The following OTUD7A variants were observed in gnomAD, a reference collection of about 807,000 sequenced individuals.
The protein encoded by OTUD7A is OTU domain-containing protein 7A.
A neutral mutation model predicts 65.7 loss-of-function variants in OTUD7A; 12 were observed. The ratio of observed to expected loss-of-function variants is 0.18; its 90% CI spans 0.12 to 0.30. The LOEUF (loss-of-function observed/expected upper bound fraction) is 0.30. Among genes scored for constraint, OTUD7A ranks in the 10% least tolerant of loss-of-function variants. The probability of loss-of-function intolerance (pLI) is 1.00; values close to 1 mark genes in which losing one functional copy is unlikely to be tolerated. For missense variants in OTUD7A, 1,148 were observed against 1,304.8 expected (o/e 0.88, Z 1.85); for synonymous variants, 641 against 586.3 (o/e 1.09, Z -1.35).
chr15:31,810,689 G>A (rs1309497341), intron 1 of OTUD7A, among the ~76,000 whole-genome samples: 1 of 152,160 alleles, frequency 6.6e-6, no homozygotes, highest in Admixed American at 6.5e-5. Flanking sequence ...AGCAGACTAA[G>A]GTAGCCACCT....
At chr15:31,695,212 T>C (rs1350475804) in intron 1 of OTUD7A, among the ~76,000 whole-genome samples, 22 of 109,742 alleles carry the variant, frequency 2.0e-4, no homozygotes, top group Non-Finnish European at 4.8e-4. Flanking sequence ...TTGGCTATTG[T>C]GGATAGAGTG....
chr15:31,584,311 T>A (rs971286509), intron 3 of OTUD7A, among the ~76,000 whole-genome samples: 1 of 152,218 alleles, frequency 6.6e-6, no homozygotes, highest in Non-Finnish European at 1.5e-5. Flanking sequence ...CTAGACCTCC[T>A]AAGAACATAG....
intron 1 of OTUD7A, among the ~76,000 whole-genome samples, chr15:31,695,221 T>G (rs1595712698): frequency 7.7e-6 from 1 of 130,434 alleles, no homozygotes; most frequent in African/African-American, 2.6e-5. Context: ...GTGGATAGAG[T>G]GCTGCAGTGA....
At chr15:31,521,144 G>A (rs989755774) in intron 8 of OTUD7A, among the ~76,000 whole-genome samples, 2 of 152,196 alleles carry the variant, frequency 1.3e-5, no homozygotes, top group African/African-American at 4.8e-5. Flanking sequence ...GAGGGTTCGC[G>A]GGGGTGAGGA....
At position 31,483,785 on chromosome 15, in the gene OTUD7A, G is replaced by A. The variant is rs1386961740; in HGVS notation, c.2311C>T (p.Pro771Ser). 3 of 1,045,630 alleles carry A rather than the reference G, an allele frequency of 2.9e-6. No individual in the cohort carries two copies. Among genetic ancestry groups the A allele is most frequent in the South Asian group, 4.4e-5 (1 of 22,638 alleles). The allele number at this position is 1,045,630 out of a possible 1,614,324, so 64.8% of individuals were successfully genotyped here. A position where few individuals can be genotyped will look rare whatever the true frequency, so the allele number is the denominator to read the frequency against. ...ASGPVPGRSPPAPARQSVIHV... is the reference protein window; with the variant it reads ...ASGPVPGRSPSAPARQSVIHV... ...ATGACGCTCTGGCGCGCTGGCGCCG[G>A]GGGGCTGCGGCCAGGCACTGGTCCG... The change falls in exon 13 of 13, where the codon CCG (proline) becomes TCG (serine). Residue 771 changes from proline to serine, a missense_variant. Around this residue, in one of 6 missense-constraint regions of OTUD7A, gnomAD observed 842 missense variants for 769.5 expected, o/e 1.09. Coordinates refer to ENST00000307050, the MANE Select transcript of OTUD7A (RefSeq NM_001382637.1).
At position 31,540,130 on chromosome 15, in the gene OTUD7A, A is replaced by C. The variant is rs532015955; in HGVS notation, c.551-9322T>G. On this transcript the variant is annotated intron_variant, in intron 5 of 12. Transcript: ENST00000307050. Reference sequence around the variant, plus strand: ...AATTTTTAGTTTGGTTATAATTTTCAATTTTTTTGAAGGCACAGAGCCCTG... The same window carrying C: ...AATTTTTAGTTTGGTTATAATTTTCCATTTTTTTGAAGGCACAGAGCCCTG... Among the ~76,000 whole-genome samples, 25 of 152,290 alleles carry C rather than the reference A, an allele frequency of 1.6e-4. No homozygotes were observed. In the East Asian group the frequency reaches 4.8e-3, roughly 29 times the overall value.
intron 1 of OTUD7A, among the ~76,000 whole-genome samples, chr15:31,688,423 T>TCA (rs1302067822): frequency 6.6e-6 from 1 of 151,918 alleles, no homozygotes; most frequent in Non-Finnish European, 1.5e-5. Flanking sequence ...CTCAGACTCT[T>TCA]CAAAGACGTC....
intron 1 of OTUD7A, among the ~76,000 whole-genome samples, chr15:31,723,281 C>G (rs1412797774): frequency 3.9e-5 from 6 of 152,244 alleles, no homozygotes; most frequent in African/African-American, 1.4e-4. Flanking sequence ...GCTGCCCCAC[C>G]TCACCACACA....
intron 8 of OTUD7A, among the ~76,000 whole-genome samples, chr15:31,510,024 G>A (rs1363519704): frequency 2.8e-5 from 4 of 143,468 alleles, no homozygotes; most frequent in African/African-American, 1.0e-4. Context: ...GTCTTGCGGC[G>A]CAGGCTGGGC....
chr15:31,621,243 G>A (rs1391635655), intron 3 of OTUD7A, among the ~76,000 whole-genome samples: 1 of 152,144 alleles, frequency 6.6e-6, no homozygotes, highest in Non-Finnish European at 1.5e-5. Flanking sequence ...TGTATATTCT[G>A]TCGATTTGGG....
chr15:31,508,352 T>TTTTTG (rs2041615274), intron 8 of OTUD7A, among the ~76,000 whole-genome samples: 1 of 152,010 alleles, frequency 6.6e-6, no homozygotes, highest in South Asian at 2.1e-4. Context: ...TAAGGATGTG[T>TTTTTG]TTTTGTTTTG....
intron 8 of OTUD7A, among the ~76,000 whole-genome samples, chr15:31,512,075 G>A (rs1326723420): frequency 6.6e-6 from 1 of 152,028 alleles, no homozygotes; most frequent in Non-Finnish European, 1.5e-5. Flanking sequence ...CTCTCTCCTT[G>A]GTATGTTTTA....
intron 3 of OTUD7A, among the ~76,000 whole-genome samples, chr15:31,609,823 C>A (rs983053819): frequency 1.3e-5 from 2 of 151,970 alleles, no homozygotes; most frequent in African/African-American, 4.8e-5. Context: ...TCCATTTCAC[C>A]CCCCTGCCAC....
intron 8 of OTUD7A, among the ~76,000 whole-genome samples, chr15:31,510,101 GATTT>G (rs2041661327): frequency 1.4e-5 from 2 of 140,204 alleles, no homozygotes; most frequent in Admixed American, 1.4e-4. Context: ...TTTTTTCCCT[GATTT>G]ATTTATTTTT....
intron 3 of OTUD7A, among the ~76,000 whole-genome samples, chr15:31,570,846 C>T (rs79002718): frequency 6.6e-6 from 1 of 152,268 alleles, no homozygotes; most frequent in East Asian, 1.9e-4. Flanking sequence ...GGCACAGCTA[C>T]ACTGGGGAGT....
intron 3 of OTUD7A, among the ~76,000 whole-genome samples, chr15:31,651,987 T>G (rs1197872312): frequency 7.8e-6 from 1 of 127,614 alleles, no homozygotes; most frequent in Non-Finnish European, 1.6e-5. Flanking sequence ...ATCCTAAAGT[T>G]CACATAGAAA....
chr15:31,679,180 A>G (rs963964598), intron 1 of OTUD7A, among the ~76,000 whole-genome samples: 1 of 152,150 alleles, frequency 6.6e-6, no homozygotes, highest in African/African-American at 2.4e-5. Context: ...TATTCACCCA[A>G]TGCTTGTACC....
chr15:31,864,315 T>C (rs1259073353), intron 1 of OTUD7A, among the ~76,000 whole-genome samples: 1 of 152,208 alleles, frequency 6.6e-6, no homozygotes, highest in African/African-American at 2.4e-5. Flanking sequence ...CCCACTCTAC[T>C]GGTACCAATT....
At chr15:31,690,079 C>T (rs1041679553) in intron 1 of OTUD7A, among the ~76,000 whole-genome samples, 1 of 152,158 alleles carries the variant, frequency 6.6e-6, no homozygotes, top group Non-Finnish European at 1.5e-5. Flanking sequence ...ATAACATATA[C>T]AACCTCTAAT....
Sources: allele counts gnomAD v4.1 joint callset (sites outside exome capture counted in the v4.1 genomes callset), GRCh38; gene constraint gnomAD v4.1.1; regional missense constraint gnomAD v4.1.1; transcripts MANE v1.5; gene names NCBI Gene and HGNC (gene_info 2026-07-23, HGNC 2026-07-21).